Variants in CD96 observed in about 807,000 individuals in gnomAD.
The protein encoded by CD96 is CD96 molecule.
In CD96, 70 loss-of-function variants were observed where a neutral mutation model predicts 71.3. The ratio of observed to expected loss-of-function variants is 0.98; its 90% CI spans 0.81 to 1.20. The LOEUF (loss-of-function observed/expected upper bound fraction) is 1.20. CD96 is among the 50% of genes most tolerant of loss of function. The probability of loss-of-function intolerance (pLI) is 0.00; values close to 1 mark genes in which losing one functional copy is unlikely to be tolerated. For missense variants in CD96, 742 were observed against 677.5 expected (o/e 1.10, Z -1.06); for synonymous variants, 248 against 233.0 (o/e 1.06, Z -0.59).
chr3:111,627,892 G>C (rs532082433), intron 10 of CD96, among the ~76,000 whole-genome samples: 1 of 152,146 alleles, frequency 6.6e-6, no homozygotes, highest in Non-Finnish European at 1.5e-5. Flanking sequence ...GGGTAGACCC[G>C]TAGCAAACCA....
rs1408513132 is a variant in CD96, at chr3:111,567,612, A to G, written c.508A>G (p.Lys170Glu). Residue 170 changes from lysine to glutamate, a missense_variant, in exon 3 of 14, where the codon AAA (lysine) becomes GAA (glutamate). Coordinates refer to ENST00000352690, the MANE Select transcript of CD96 (RefSeq NM_005816.5). ...ACCATGCTTTCAAAATAGCTCCTCA[A>G]AAATTTCATCTGAGTTCACCTATGC... ...EIPCFQNSSS[K>E]ISSEFTYAWS... The G allele has an allele frequency of 8.7e-6, 14 of 1,613,250 alleles. No homozygotes were observed. Among genetic ancestry groups the G allele is most frequent in the African/African-American group, 2.7e-5 (2 of 74,920 alleles).
At chr3:111,578,539 C>T (rs1284544252) in intron 3 of CD96, among the ~76,000 whole-genome samples, 1 of 152,312 alleles carries the variant, frequency 6.6e-6, no homozygotes, top group South Asian at 2.1e-4. Context: ...GAGAATGCCA[C>T]TTTACCTGAT....
chr3:111,545,337 G>A lies in CD96; in HGVS notation c.353G>A (p.Cys118Tyr), dbSNP rs139743881. 3 of 1,613,930 alleles carry A rather than the reference G, an allele frequency of 1.9e-6. No individual in the cohort carries two copies. Among genetic ancestry groups the A allele is most frequent in the Non-Finnish European group, 2.5e-6 (3 of 1,179,906 alleles). The change falls in exon 2 of 14, where the codon TGT becomes TAT. Residue 118 changes from cysteine to tyrosine, a missense_variant. By Grantham distance (194) the Cys-to-Tyr change is radical. Transcript: ENST00000352690. Reference sequence around the variant, plus strand: ...TGTTCAGTCAGTGGAAGGTACGAGTGTATGCTTGTTCTGTATCCAGAGGGC... The same window carrying A: ...TGTTCAGTCAGTGGAAGGTACGAGTATATGCTTGTTCTGTATCCAGAGGGC... ...MSCSVSGRYE[C>Y]MLVLYPEGIQ...
intron 3 of CD96, among the ~76,000 whole-genome samples, chr3:111,572,083 C>T (rs894133473): frequency 1.3e-5 from 2 of 152,180 alleles, no homozygotes; most frequent in Non-Finnish European, 2.9e-5. Flanking sequence ...AAAACACACC[C>T]ATGAGTAGAG....
rs377284038 is a variant in CD96 at position 111,604,588 on chromosome 3, C to T, written c.1088-2112C>T. ...CAAAATGCACATCTTACAATAATAT[C>T]TTCTTAATACACTATGAGGCTGAAC... On this transcript the variant is annotated intron_variant, in intron 7 of 13. Transcript: ENST00000352690. 5.0e-4 allele frequency among the ~76,000 whole-genome samples: 76 copies of T among 152,304 alleles called. No homozygotes were observed. In the South Asian group the frequency reaches 0.016, roughly 32 times the overall value.
At chr3:111,565,855 G>A (rs1935683276) in intron 2 of CD96, among the ~76,000 whole-genome samples, 1 of 151,744 alleles carries the variant, frequency 6.6e-6, no homozygotes, top group Admixed American at 6.6e-5. Context: ...ACCCTAATGG[G>A]AAGATCTGGT....
In CD96 at chr3:111,631,266, A is replaced by AG. The variant is rs376019724; in HGVS notation, c.1322-5930_1322-5929insG. On this transcript the variant is annotated intron_variant, in intron 10 of 13. Coordinates refer to ENST00000352690, the MANE Select transcript of CD96 (RefSeq NM_005816.5). ...GAAAATCACATTTTCTCAGCCCAAA[A>AG]CTTCTTAAGCTGATAAGCAACTTCA... is the stretch of plus-strand genomic sequence containing the variant. Among the ~76,000 whole-genome samples the AG allele has an allele frequency of 7.5e-3, 1,147 of 152,226 alleles. 17 individuals are homozygous for AG. Among genetic ancestry groups the AG allele is most frequent in the African/African-American group, 0.026 (1,088 of 41,542 alleles).
chr3:111,639,196 C>G (rs1939477518), intron 12 of CD96, among the ~76,000 whole-genome samples: 1 of 152,216 alleles, frequency 6.6e-6, no homozygotes, highest in Admixed American at 6.5e-5. Context: ...CAGGAGACAC[C>G]CCAAATACTC....
intron 5 of CD96, chr3:111,594,065 A>T (rs769390439): frequency 6.2e-7 from 1 of 1,614,140 alleles, no homozygotes; most frequent in East Asian, 2.2e-5. Context: ...GTTGTGGGGC[A>T]TTGGAGTGGG....
downstream of CD96, among the ~76,000 whole-genome samples, chr3:111,657,291 G>A (rs1940253758): frequency 6.6e-6 from 1 of 151,964 alleles, no homozygotes; most frequent in East Asian, 1.9e-4. Context: ...GGTGGCATGT[G>A]CCTGTAGTCC....
chr3:111,543,606 A>G (rs1157899493), intron 1 of CD96, among the ~76,000 whole-genome samples: 3 of 152,248 alleles, frequency 2.0e-5, no homozygotes. Context: ...TAAGCATAAC[A>G]TAGGTAATAG....
intron 5 of CD96, among the ~76,000 whole-genome samples, chr3:111,591,188 C>T (rs569306639): frequency 3.4e-4 from 51 of 152,130 alleles, no homozygotes; most frequent in African/African-American, 1.0e-3. Context: ...TCCTGGCCAA[C>T]GTGGTGAAAC....
intron 2 of CD96, among the ~76,000 whole-genome samples, chr3:111,563,034 C>T (rs1935534094): frequency 6.6e-6 from 1 of 152,180 alleles, no homozygotes; most frequent in African/African-American, 2.4e-5. Context: ...GCTAAATCCT[C>T]TGGAGGGGAG....
intron 7 of CD96, among the ~76,000 whole-genome samples, chr3:111,606,376 A>G (rs1206249832): frequency 1.3e-5 from 2 of 152,204 alleles, no homozygotes; most frequent in South Asian, 2.1e-4. Flanking sequence ...GGTAAAGTGT[A>G]ACTTTTTCCA....
At chr3:111,638,918 T>C (rs1939463065) in intron 12 of CD96, among the ~76,000 whole-genome samples, 1 of 152,194 alleles carries the variant, frequency 6.6e-6, no homozygotes, top group South Asian at 2.1e-4. Context: ...GGAGTTCTGT[T>C]TTTCCACTTC....
In CD96 at chr3:111,651,048, C is replaced by T. The variant is rs1040436130; in HGVS notation, c.*1242C>T. The T allele has an allele frequency of 1.3e-5, 2 of 152,328 alleles. No homozygotes were observed. Among genetic ancestry groups the T allele is most frequent in the East Asian group, 3.8e-4 (2 of 5,196 alleles). The allele number at this position is 152,328 out of a possible 1,614,324, so 9.4% of individuals were successfully genotyped here. ...GTGCAGAGTTATTTGGAGATTATGT[C>T]TTTTTCTTAAACACCATGGCTGTCA... On this transcript the variant is annotated 3_prime_UTR_variant, in exon 14 of 14. Coordinates refer to ENST00000352690, the MANE Select transcript of CD96 (RefSeq NM_005816.5).
chr3:111,635,193 T>A (rs1939267953), intron 10 of CD96: 1 of 152,974 alleles, frequency 6.5e-6, no homozygotes. Context: ...TTTTATAATA[T>A]CTTTCTGGTC....
intron 7 of CD96, among the ~76,000 whole-genome samples, chr3:111,601,265 A>G (rs541504527): frequency 1.4e-4 from 21 of 152,214 alleles, no homozygotes; most frequent in Non-Finnish European, 2.9e-4. Context: ...GAAAGATTTA[A>G]AAGACCTAAA....
rs1350651305 is a variant in CD96, at chr3:111,649,975, A to G, written c.*169A>G. On this transcript the variant is annotated 3_prime_UTR_variant, in exon 14 of 14. Transcript: ENST00000352690. ...AGCAACTCACCCTCTTCCATCTCCAAACGCCTGAAGCTTAACCAAGAGTGA... is the reference window on the plus strand; with the variant it reads ...AGCAACTCACCCTCTTCCATCTCCAGACGCCTGAAGCTTAACCAAGAGTGA... 4.5e-6 allele frequency: 3 copies of G among 662,972 alleles called. No individual in the cohort carries two copies. Among genetic ancestry groups the G allele is most frequent in the Non-Finnish European group, 8.3e-6 (3 of 361,190 alleles). 41.1% of individuals were successfully genotyped at this position (662,972 alleles called of 1,614,324 possible). A position where few individuals can be genotyped will look rare whatever the true frequency, so the allele number is the denominator to read the frequency against.
Sources: allele counts gnomAD v4.1 joint callset (sites outside exome capture counted in the v4.1 genomes callset), GRCh38; gene constraint gnomAD v4.1.1; transcripts MANE v1.5; gene names NCBI Gene and HGNC (gene_info 2026-07-23, HGNC 2026-07-21).